PDE3A: variants seen among roughly 807,000 people sequenced by gnomAD.
PDE3A encodes the protein cGMP-inhibited 3',5'-cyclic phosphodiesterase 3A.
In PDE3A, 43 loss-of-function variants were observed where a neutral mutation model predicts 98.3. The ratio of observed to expected loss-of-function variants is 0.44; its 90% CI spans 0.34 to 0.56. PDE3A has a LOEUF of 0.56. PDE3A is among the 20% of genes least tolerant of loss of function. The pLI, the probability that PDE3A is intolerant of heterozygous loss-of-function variation, is 0.01. For missense variants in PDE3A, 1,427 were observed against 1,440.7 expected, an observed-to-expected ratio of 0.99 and a Z score of 0.15; for synonymous variants, 663 against 567.9, an observed-to-expected ratio of 1.17 and a Z score of -2.38.
chr12:20,396,754 CCGT>C (rs1944026631), intron 1 of PDE3A, among the ~76,000 whole-genome samples: 1 of 151,572 alleles, frequency 6.6e-6, no homozygotes, highest in Non-Finnish European at 1.5e-5. Context: ...TATCTAATGC[CCGT>C]TACCTAAGGG....
At chr12:20,632,623 C>T (rs1944406240) in intron 6 of PDE3A, among the ~76,000 whole-genome samples, 1 of 151,970 alleles carries the variant, frequency 6.6e-6, no homozygotes, top group Non-Finnish European at 1.5e-5. Context: ...AACAGTCAAA[C>T]TTCATTCCTC....
At chr12:20,523,537 T>C (rs1317138435) in intron 1 of PDE3A, among the ~76,000 whole-genome samples, 1 of 152,232 alleles carries the variant, frequency 6.6e-6, no homozygotes, top group Non-Finnish European at 1.5e-5. Flanking sequence ...AAGTTAATAG[T>C]ACTTAGATCA....
intron 15 of PDE3A, among the ~76,000 whole-genome samples, chr12:20,662,137 T>C (rs1945186261): frequency 6.6e-6 from 1 of 152,106 alleles, no homozygotes; most frequent in South Asian, 2.1e-4. Flanking sequence ...AATAAACTTC[T>C]TTCTTTTGTA....
At position 20,686,836 on chromosome 12, in the gene PDE3A, T is replaced by C. The variant is rs1945976997; in HGVS notation, c.*6565T>C. 6.6e-6 allele frequency among the ~76,000 whole-genome samples: 1 copy of C among 152,098 alleles called. No homozygotes were observed. Among genetic ancestry groups the C allele is most frequent in the Non-Finnish European group, 1.5e-5 (1 of 67,984 alleles). On this transcript the variant is annotated 3_prime_UTR_variant, in exon 16 of 16. Coordinates refer to ENST00000359062, the MANE Select transcript of PDE3A (RefSeq NM_000921.5). ...CCTGCTTTCCTTGTAAAGTCCATGG[T>C]ACTAAGAAGCAAAAAATGCAGAGCT... is the stretch of plus-strand genomic sequence containing the variant.
intron 1 of PDE3A, among the ~76,000 whole-genome samples, chr12:20,405,251 C>T (rs1944211969): frequency 6.6e-6 from 1 of 152,078 alleles, no homozygotes; most frequent in Non-Finnish European, 1.5e-5. Flanking sequence ...CAGGGATAAC[C>T]CAGGCCTCTT....
intron 2 of PDE3A, among the ~76,000 whole-genome samples, chr12:20,594,335 G>A (rs527992735): frequency 1.2e-4 from 19 of 152,212 alleles, no homozygotes; most frequent in African/African-American, 4.3e-4. Flanking sequence ...TAGGAGACTG[G>A]TATTAACCAA....
intron 13 of PDE3A, among the ~76,000 whole-genome samples, chr12:20,649,226 C>T (rs573203518): frequency 3.3e-5 from 5 of 152,068 alleles, no homozygotes; most frequent in Middle Eastern, 3.4e-3. Context: ...GCACCGTGCC[C>T]GGCTGCATCA....
At chr12:20,613,301 A>C in intron 2 of PDE3A, 142 bp from the exon 3 acceptor site, 1 of 740,954 alleles carries the variant, frequency 1.3e-6, no homozygotes, top group South Asian at 1.9e-5. Context: ...GCAGAATTTG[A>C]AATAGGTGGT....
rs145322170 is a variant in PDE3A, at chr12:20,369,917, C to T, written c.633C>T (p.Gly211=). The change falls in exon 1 of 16, where the codon GGC becomes GGT. Residue 211 remains glycine (G), a synonymous_variant. Transcript: ENST00000359062. The part of the protein sequence containing the change: ...ATWLVLRLRL[G]VLMIALTSAV... ...GGCTGGTGCTGAGGCTGAGGCTGGG[C>T]GTCCTCATGATCGCCTTGACTAGCG... The T allele has an allele frequency of 2.0e-4, 323 of 1,613,412 alleles. No individual in the cohort carries two copies. The African/African-American group carries it at 3.8e-3, about 19-fold the overall frequency.
chr12:20,561,672 T>C lies in PDE3A; in HGVS notation c.1011+4962T>C, dbSNP rs182652726. ...AATTATTGCTAGGATAGAGTTAAGC[T>C]TCCCCTGGCTTCTCCCGGGATACTT... On this transcript the variant is annotated intron_variant, in intron 2 of 15. Coordinates refer to ENST00000359062, the MANE Select transcript of PDE3A (RefSeq NM_000921.5). Among the ~76,000 whole-genome samples the C allele has an allele frequency of 1.0e-3, 154 of 152,262 alleles. 1 individual carries two copies. Among genetic ancestry groups the C allele is most frequent in the East Asian group, 5.8e-4 (3 of 5,170 alleles).
chr12:20,394,160 G>T (rs1368568950), intron 1 of PDE3A, among the ~76,000 whole-genome samples: 2 of 152,030 alleles, frequency 1.3e-5, no homozygotes, highest in African/African-American at 4.8e-5. Flanking sequence ...AAATATTCTT[G>T]CAAGAGGCAA....
chr12:20,599,374 A>G (rs1565444079), intron 2 of PDE3A, among the ~76,000 whole-genome samples: 1 of 152,042 alleles, frequency 6.6e-6, no homozygotes, highest in East Asian at 1.9e-4. Flanking sequence ...GAAGTACTCA[A>G]CCGGGCCTTT....
intron 1 of PDE3A, among the ~76,000 whole-genome samples, chr12:20,518,761 A>G (rs1405965857): frequency 6.6e-6 from 1 of 152,212 alleles, no homozygotes; most frequent in East Asian, 1.9e-4. Flanking sequence ...GAACAGAGGC[A>G]TAATCAGATT....
rs116352833 is a variant in PDE3A at position 20,595,189 on chromosome 12, G to A, written c.1012-18254G>A. Among the ~76,000 whole-genome samples, 1,506 of 152,164 alleles carry A rather than the reference G, an allele frequency of 9.9e-3. 28 individuals are homozygous for A. The highest frequency in any genetic ancestry group is 0.035 in the African/African-American group (1,443 of 41,510). ...CTAGGTTTTTTATTCTCTCTACTCT[G>A]CTACTGTCTATAGTATTGGTCTCAT... On this transcript the variant is annotated intron_variant, in intron 2 of 15. Coordinates refer to ENST00000359062, the MANE Select transcript of PDE3A (RefSeq NM_000921.5).
At chr12:20,419,400 C>G (rs899367292) in intron 1 of PDE3A, among the ~76,000 whole-genome samples, 3 of 151,950 alleles carry the variant, frequency 2.0e-5, no homozygotes, top group African/African-American at 7.3e-5. Context: ...TCAAGTGATT[C>G]ACCTGCCTTA....
chr12:20,633,520 A>G (rs1454723203), intron 6 of PDE3A, among the ~76,000 whole-genome samples, 173 bp from the exon 7 acceptor site: 1 of 152,212 alleles, frequency 6.6e-6, no homozygotes, highest in Non-Finnish European at 1.5e-5. Flanking sequence ...AAAGTAGTAC[A>G]CTGCATATCA....
intron 15 of PDE3A, among the ~76,000 whole-genome samples, chr12:20,674,265 G>T (rs1481659339): frequency 9.9e-5 from 15 of 152,066 alleles, no homozygotes; most frequent in Admixed American, 9.8e-4. Flanking sequence ...CTACAAAGAG[G>T]GACAATTTGA....
chr12:20,442,205 TATGTA>T (rs1944881373), intron 1 of PDE3A, among the ~76,000 whole-genome samples: 1 of 152,210 alleles, frequency 6.6e-6, no homozygotes, highest in East Asian at 1.9e-4. Context: ...CTTTTAAAAT[TATGTA>T]ATGTATTTTT....
intron 6 of PDE3A, among the ~76,000 whole-genome samples, chr12:20,630,347 A>C (rs943608385): frequency 1.3e-5 from 2 of 152,188 alleles, no homozygotes; most frequent in Non-Finnish European, 2.9e-5. Flanking sequence ...TCATACAGCC[A>C]ATCTTTAGAG....
Sources: allele counts gnomAD v4.1 joint callset (sites outside exome capture counted in the v4.1 genomes callset), GRCh38; gene constraint gnomAD v4.1.1; transcripts MANE v1.5; gene names NCBI Gene and HGNC (gene_info 2026-07-23, HGNC 2026-07-21).